The following ADCY2 variants were observed in gnomAD, a reference collection of about 807,000 sequenced individuals.
ADCY2 encodes adenylate cyclase type 2.
A neutral mutation model predicts 125.2 loss-of-function variants in ADCY2; 31 were observed. That is an observed-to-expected ratio of 0.25 (90% CI 0.19 to 0.33). The LOEUF is 0.33. Ranked by LOEUF, ADCY2 falls within the 10% of genes least tolerant of loss-of-function variation. The pLI is 1.00. For missense variants in ADCY2, 904 were observed against 1,418.2 expected (o/e 0.64, Z 5.82); for synonymous variants, 512 against 548.4 (o/e 0.93, Z 0.93).
intron 22 of ADCY2, among the ~76,000 whole-genome samples, chr5:7,813,311 G>A (rs1171926139): frequency 6.6e-6 from 1 of 152,244 alleles, no homozygotes; most frequent in African/African-American, 2.4e-5. Flanking sequence ...AGAGGGAGAA[G>A]AGAGTACAGA....
At chr5:7,758,520 C>T (rs557860337) in intron 16 of ADCY2, among the ~76,000 whole-genome samples, 21 of 152,194 alleles carry the variant, frequency 1.4e-4, no homozygotes, top group African/African-American at 3.9e-4. Context: ...ATAATAACGT[C>T]GTTTTTATAA....
chr5:7,755,090 A>C (rs1278562118), intron 15 of ADCY2, among the ~76,000 whole-genome samples: 1 of 152,138 alleles, frequency 6.6e-6, no homozygotes, highest in East Asian at 1.9e-4. Context: ...GCCATCACCA[A>C]CCCCTATCCA....
At chr5:7,640,215 G>T (rs376706027) in intron 4 of ADCY2, among the ~76,000 whole-genome samples, 2 of 151,994 alleles carry the variant, frequency 1.3e-5, no homozygotes, top group Non-Finnish European at 2.9e-5. Context: ...TTTTATTAAC[G>T]AGTCAAGGAA....
At chr5:7,596,326 A>C (rs2126630595) in intron 3 of ADCY2, among the ~76,000 whole-genome samples, 1 of 152,178 alleles carries the variant, frequency 6.6e-6, no homozygotes, top group South Asian at 2.1e-4. Flanking sequence ...GGCAATACGA[A>C]ACTCCAGGTC....
At chr5:7,481,093 T>C (rs958346369) in intron 2 of ADCY2, among the ~76,000 whole-genome samples, 7 of 152,220 alleles carry the variant, frequency 4.6e-5, no homozygotes, top group African/African-American at 1.4e-4. Context: ...AATTTATGTT[T>C]TCACCAACAT....
At chr5:7,772,731 A>G (rs1344868211) in intron 17 of ADCY2, among the ~76,000 whole-genome samples, 1 of 115,490 alleles carries the variant, frequency 8.7e-6, no homozygotes, top group African/African-American at 3.3e-5. Flanking sequence ...TGAGTCGGAA[A>G]GCTTTGGATG....
intron 4 of ADCY2, among the ~76,000 whole-genome samples, chr5:7,648,850 G>T (rs1738990109): frequency 6.6e-6 from 1 of 152,094 alleles, no homozygotes; most frequent in Non-Finnish European, 1.5e-5. Context: ...TAATAGAATT[G>T]GAAGAAGGTC....
intron 4 of ADCY2, among the ~76,000 whole-genome samples, chr5:7,652,533 A>G (rs1004817616): frequency 3.9e-5 from 6 of 152,202 alleles, no homozygotes; most frequent in African/African-American, 1.4e-4. Flanking sequence ...TGGATATGCT[A>G]TTTAAAAACT....
chr5:7,722,180 GT>G lies in ADCY2; in HGVS notation c.1704-2363del, dbSNP rs559885087. ...CCCCAAGCACAGATCTAATGCTGGG[GT>G]TCACGAAGCACCACATGGGTTCTGG... On this transcript the variant is annotated intron_variant, in intron 12 of 24. Transcript: ENST00000338316. 5.3e-5 allele frequency among the ~76,000 whole-genome samples: 8 copies of G among 152,282 alleles called. No individual in the cohort carries two copies. In the South Asian group the frequency reaches 1.7e-3, roughly 32 times the overall value.
intron 3 of ADCY2, among the ~76,000 whole-genome samples, chr5:7,531,886 G>A (rs995850171): frequency 1.3e-5 from 2 of 152,110 alleles, no homozygotes; most frequent in Non-Finnish European, 2.9e-5. Flanking sequence ...AACCCAACAC[G>A]GATACTAACA....
intron 4 of ADCY2, among the ~76,000 whole-genome samples, chr5:7,667,876 G>T (rs1360404972): frequency 2.0e-5 from 3 of 152,206 alleles, no homozygotes; most frequent in Non-Finnish European, 4.4e-5. Context: ...CAGAGGTGAT[G>T]CCATGGTGAT....
rs1738122030 is a variant in ADCY2, at chr5:7,626,216, A to C, written c.620A>C (p.Tyr207Ser). The C allele has an allele frequency of 1.9e-6, 3 of 1,614,126 alleles. No individual in the cohort carries two copies. Among genetic ancestry groups the C allele is most frequent in the Non-Finnish European group, 2.5e-6 (3 of 1,179,970 alleles). Residue 207 changes from tyrosine to serine, a missense_variant, in exon 4 of 25, where the codon TAC (tyrosine) becomes TCC (serine). Physicochemically the swap from Tyr to Ser is moderately radical, Grantham distance 144. Coordinates refer to ENST00000338316, the MANE Select transcript of ADCY2 (RefSeq NM_020546.3). The part of the protein sequence containing the change: ...IFICGNLAGA[Y>S]HKHLMELALQ... ...ATCTGTGGGAACCTGGCGGGAGCCTACCATAAGCACCTCATGGAACTCGCT... is the reference window on the plus strand; with the variant it reads ...ATCTGTGGGAACCTGGCGGGAGCCTCCCATAAGCACCTCATGGAACTCGCT...
rs1744631102 is a variant in ADCY2 at position 7,802,618 on chromosome 5, G to C, written c.2775+254G>C. Among the ~76,000 whole-genome samples, 1 of 152,192 alleles carries C rather than the reference G, an allele frequency of 6.6e-6. No individual in the cohort carries two copies. ...ATCTGTTAAATCAAATGTGTATCCA[G>C]TGTGCTAGTGGATTCTTTACAAAGG... On this transcript the variant is annotated intron_variant, in intron 21 of 24. Coordinates refer to ENST00000338316, the MANE Select transcript of ADCY2 (RefSeq NM_020546.3). This position sits in a 1 kb window ranked among gnomAD's most constrained non-coding sequence, Gnocchi z 4.6.
chr5:7,795,839 TAAG>T (rs899643645), intron 20 of ADCY2: 1 of 151,778 alleles, frequency 6.6e-6, no homozygotes, highest in African/African-American at 2.4e-5. Flanking sequence ...CTGTATGTTT[TAAG>T]TATTCAATAG....
Position 7,603,784 on chromosome 5 carries a change from C to CTTTTTTTTTTTTTTTTTTTTTTTTTTTTT in ADCY2, c.571-22358_571-22357insTTTTTTTTTTTTTTTTTTTTTTTTTTTTT. On this transcript the variant is annotated intron_variant, in intron 3 of 24. Transcript: ENST00000338316. ...AAAATTCTGGGGTAATGCTCTCTTT[C>CTTTTTTTTTTTTTTTTTTTTTTTTTTTTT]TTTTTTTTTTTTTTTTTTTTTTTTT... Among the ~76,000 whole-genome samples, 102 of 62,806 alleles carry CTTTTTTTTTTTTTTTTTTTTTTTTTTTTT rather than the reference C, an allele frequency of 1.6e-3. 1 individual carries two copies. The highest frequency in any genetic ancestry group is 2.1e-3 in the African/African-American group (30 of 14,618). The allele number at this position is 62,806 out of a possible 152,430, so 41.2% of individuals were successfully genotyped here. A position where few individuals can be genotyped will look rare whatever the true frequency, so the allele number is the denominator to read the frequency against.
At chr5:7,401,456 G>A (rs534464429) in intron 1 of ADCY2, among the ~76,000 whole-genome samples, 45 of 152,290 alleles carry the variant, frequency 3.0e-4, no homozygotes, top group Middle Eastern at 3.4e-3. Flanking sequence ...TTGGAAAATA[G>A]CAAGTTTTCT....
chr5:7,576,278 T>C (rs1453381088), intron 3 of ADCY2, among the ~76,000 whole-genome samples: 1 of 152,216 alleles, frequency 6.6e-6, no homozygotes, highest in Non-Finnish European at 1.5e-5. Context: ...GGTTTATGAC[T>C]CCTTGGGGGA....
intron 4 of ADCY2, among the ~76,000 whole-genome samples, chr5:7,674,239 T>G (rs1285448312): frequency 6.6e-6 from 1 of 152,220 alleles, no homozygotes; most frequent in Non-Finnish European, 1.5e-5. Context: ...TCCAGGCTCC[T>G]GGCCTTCACA....
At chr5:7,488,882 T>G (rs1743044905) in intron 2 of ADCY2, among the ~76,000 whole-genome samples, 1 of 152,148 alleles carries the variant, frequency 6.6e-6, no homozygotes, top group African/African-American at 2.4e-5. Context: ...TCAGGCTCAT[T>G]TGCGGTCCAG....
Sources: gnomAD v4.1 joint callset for allele counts (sites outside exome capture counted in the v4.1 genomes callset) on GRCh38, gnomAD v4.1.1 for gene constraint, Gnocchi (gnomAD v3.1) non-coding constraint, MANE v1.5 for transcripts, NCBI Gene and HGNC (gene_info 2026-07-23, HGNC 2026-07-21) for gene names.